The following CILK1 variants were observed in gnomAD, a reference collection of about 807,000 sequenced individuals.
The protein encoded by CILK1 is ciliogenesis associated kinase 1.
Under a neutral mutation model 79.2 loss-of-function variants are expected in CILK1, and 47 were observed. The observed-to-expected ratio is 0.59, with a 90% CI of 0.47 to 0.76. The LOEUF (loss-of-function observed/expected upper bound fraction) is 0.76, where lower values mean the gene tolerates loss of function less well. Among genes scored for constraint, CILK1 ranks in the 30% least tolerant of loss-of-function variants. The probability of loss-of-function intolerance (pLI) is 0.00; values close to 1 mark genes in which losing one functional copy is unlikely to be tolerated. For synonymous variants in CILK1, 266 were observed against 275.9 expected, an observed-to-expected ratio of 0.96 and a Z score of 0.36; for missense variants, 660 against 769.5, an observed-to-expected ratio of 0.86 and a Z score of 1.68.
At chr6:53,055,719 C>T (rs1031633942) in intron 1 of CILK1, among the ~76,000 whole-genome samples, 13 of 152,188 alleles carry the variant, frequency 8.5e-5, no homozygotes, top group Non-Finnish European at 1.3e-4. Context: ...TTCCATAACT[C>T]CCTGTCGCTT....
chr6:53,060,453 A>C (rs1439479652), intron 1 of CILK1, among the ~76,000 whole-genome samples: 1 of 152,218 alleles, frequency 6.6e-6, no homozygotes, highest in Non-Finnish European at 1.5e-5. Flanking sequence ...GATAAGGCAA[A>C]GCAGAAAGGG....
In CILK1 at chr6:53,030,593, T is replaced by G. The variant is rs543752937; in HGVS notation, c.358+472A>C. Among the ~76,000 whole-genome samples, 12 of 152,364 alleles carry G rather than the reference T, an allele frequency of 7.9e-5. No individual in the cohort carries two copies. The East Asian group carries it at 1.7e-3, about 22-fold the overall frequency. On this transcript the variant is annotated intron_variant, in intron 5 of 13. Coordinates refer to ENST00000676107, the MANE Select transcript of CILK1 (RefSeq NM_014920.5). ...CACATCTTGTTTTGCCTTTGTCTCT[T>G]TTTTTAGTTTGCTAATTTTTAATTT...
intron 1 of CILK1, among the ~76,000 whole-genome samples, chr6:53,042,618 G>A (rs1318684089): frequency 1.3e-5 from 2 of 152,128 alleles, no homozygotes; most frequent in Non-Finnish European, 2.9e-5. Flanking sequence ...TAAAAATAAT[G>A]TCATTGATTT....
chr6:53,011,822 G>A lies in CILK1; in HGVS notation c.1439C>T (p.Thr480Ile), dbSNP rs1214361673. ...GTGCTGCTTGGCTGCAGATCTCAGG[G>A]TGGGCGTGTCTCGCCGCTGATATGA... ...QTSYQRRDTP[T>I]LRSAAKQHYL... The change falls in exon 11 of 14, where the codon ACC (threonine) becomes ATC (isoleucine). Residue 480 changes from threonine (T) to isoleucine (I), a missense_variant. Transcript: ENST00000676107. The A allele has an allele frequency of 3.7e-6, 6 of 1,614,130 alleles. No homozygotes were observed. Among genetic ancestry groups the A allele is most frequent in the Admixed American group, 1.7e-5 (1 of 60,026 alleles).
intron 2 of CILK1, among the ~76,000 whole-genome samples, chr6:53,039,706 G>C (rs1766580153): frequency 6.6e-6 from 1 of 152,194 alleles, no homozygotes. Context: ...CAAGGGATGT[G>C]TTCATGGAAC....
chr6:53,034,617 T>G (rs1766187376), intron 3 of CILK1, among the ~76,000 whole-genome samples: 1 of 152,138 alleles, frequency 6.6e-6, no homozygotes, highest in Non-Finnish European at 1.5e-5. Flanking sequence ...TGAGAAACAC[T>G]TTCTAACTAT....
At chr6:53,007,513 C>A (rs1317313095) in intron 12 of CILK1, among the ~76,000 whole-genome samples, 1 of 152,212 alleles carries the variant, frequency 6.6e-6, no homozygotes, top group Non-Finnish European at 1.5e-5. Context: ...CAGATTAGCA[C>A]AAATTTTAGT....
chr6:53,056,130 C>A (rs1250740245), intron 1 of CILK1, among the ~76,000 whole-genome samples: 2 of 152,136 alleles, frequency 1.3e-5, no homozygotes, highest in Non-Finnish European at 2.9e-5. Context: ...AATACTTTAC[C>A]TTTCTGGTTC....
chr6:53,045,791 T>TA (rs34673433), intron 1 of CILK1, among the ~76,000 whole-genome samples: 3,865 of 113,320 alleles, frequency 0.034, 166 homozygotes, highest in African/African-American at 0.081. Context: ...GTCATCTTCC[T>TA]AAAAAAAAAA....
intron 5 of CILK1, among the ~76,000 whole-genome samples, chr6:53,024,580 G>T (rs222460): frequency 0.93 from 141,116 of 152,004 alleles, 65,589 homozygotes; most frequent in East Asian, 1. Flanking sequence ...AGTGATCTTT[G>T]GTCAACGCAC....
intron 5 of CILK1, among the ~76,000 whole-genome samples, chr6:53,022,821 G>C (rs964892277): frequency 6.6e-6 from 1 of 152,130 alleles, no homozygotes; most frequent in Admixed American, 6.5e-5. Context: ...CCAGGCAACA[G>C]ATTAGGTTCT....
intron 3 of CILK1, 78 bp downstream of exon 3, chr6:53,037,861 T>C: frequency 1.2e-6 from 1 of 861,296 alleles, no homozygotes; most frequent in Non-Finnish European, 1.9e-6. Flanking sequence ...ATGAAATGAC[T>C]ATATCAACTA....
At chr6:53,006,538 T>C in intron 12 of CILK1, 101 bp from the exon 13 acceptor site, 1 of 1,352,268 alleles carries the variant, frequency 7.4e-7, no homozygotes. Flanking sequence ...AACTAAGTTT[T>C]TACTTTTAGG....
intron 1 of CILK1, among the ~76,000 whole-genome samples, chr6:53,060,128 G>C (rs1047833868): frequency 2.0e-5 from 3 of 152,136 alleles, no homozygotes; most frequent in African/African-American, 7.2e-5. Context: ...AAAGCAATGA[G>C]AATAACAAAC....
chr6:53,044,981 T>C (rs1195508257), intron 1 of CILK1, among the ~76,000 whole-genome samples: 2 of 152,238 alleles, frequency 1.3e-5, no homozygotes, highest in African/African-American at 4.8e-5. Flanking sequence ...CAGACTAAGA[T>C]AGGATCTATG....
At position 53,016,066 on chromosome 6, in the gene CILK1, A is replaced by T; in HGVS notation, c.831+17T>A. ...AGAGTTAGATATGAACGTTATAACA[A>T]GAAAATGGAAGAAAACCTGACTAGC... is the stretch of plus-strand genomic sequence containing the variant. On this transcript the variant is annotated intron_variant, in intron 8 of 13. Coordinates refer to ENST00000676107, the MANE Select transcript of CILK1 (RefSeq NM_014920.5). The T allele has an allele frequency of 1.9e-6, 3 of 1,613,084 alleles. No individual in the cohort carries two copies. The highest frequency in any genetic ancestry group is 2.5e-6 in the Non-Finnish European group (3 of 1,179,100).
chr6:53,005,144 GAC>G lies in CILK1; in HGVS notation c.*3_*4del. 1 of 1,614,104 alleles carries G rather than the reference GAC, an allele frequency of 6.2e-7. No homozygotes were observed. The highest frequency in any genetic ancestry group is 1.1e-5 in the South Asian group (1 of 91,068). ...TAGGAAGAGATTCATCACCAAGGCA[GAC>G]AGTCATCGCCGAGATGCGTACTTGG... On this transcript the variant is annotated 3_prime_UTR_variant, in exon 14 of 14. Transcript: ENST00000676107.
intron 8 of CILK1, among the ~76,000 whole-genome samples, chr6:53,015,411 T>C (rs1369975389): frequency 6.6e-6 from 1 of 152,258 alleles, no homozygotes; most frequent in African/African-American, 2.4e-5. Context: ...CCAGTGGACC[T>C]GACTTCATAC....
At chr6:53,016,274 A>G in intron 7 of CILK1, 24 bp from the exon 8 acceptor site, 1 of 1,613,514 alleles carries the variant, frequency 6.2e-7, no homozygotes, top group South Asian at 1.1e-5. Context: ...AAGATAGAAA[A>G]TCTTGCTCAG....
Sources: gnomAD v4.1 joint callset for allele counts (sites outside exome capture counted in the v4.1 genomes callset) on GRCh38, gnomAD v4.1.1 for gene constraint, MANE v1.5 for transcripts, NCBI Gene and HGNC (gene_info 2026-07-23, HGNC 2026-07-21) for gene names.